Variants in TPP2 observed in about 807,000 individuals in gnomAD.
TPP2 encodes tripeptidyl-peptidase 2.
In TPP2, 34 loss-of-function variants were observed where a neutral mutation model predicts 155.9. That is an observed-to-expected ratio of 0.22 (90% CI 0.17 to 0.29). The LOEUF (loss-of-function observed/expected upper bound fraction) is 0.29. Among genes scored for constraint, TPP2 ranks in the 10% least tolerant of loss-of-function variants. The pLI is 1.00. For synonymous variants in TPP2, 510 were observed against 529.4 expected, an observed-to-expected ratio of 0.96 and a Z score of 0.50; for missense variants, 1,028 against 1,522.3, an observed-to-expected ratio of 0.68 and a Z score of 5.40.
At chr13:102,651,272 A>G in intron 23 of TPP2, 87 bp from the exon 24 acceptor site, 4 of 1,462,706 alleles carry the variant, frequency 2.7e-6, no homozygotes, top group Non-Finnish European at 3.7e-6. Flanking sequence ...GGTGGAACAT[A>G]AACTGAAAGA....
chr13:102,657,269 A>G (rs948560212), intron 25 of TPP2, 62 bp downstream of exon 25: 2 of 1,391,978 alleles, frequency 1.4e-6, no homozygotes, highest in Non-Finnish European at 9.6e-7. Context: ...AACTATAACA[A>G]TATTGTGTAT....
chr13:102,649,091 A>C lies in TPP2; in HGVS notation c.2813A>C (p.Asn938Thr). The C allele has an allele frequency of 6.2e-7, 1 of 1,613,184 alleles. No individual in the cohort carries two copies. Among genetic ancestry groups the C allele is most frequent in the East Asian group, 2.2e-5 (1 of 44,846 alleles). ...FALLGKKKSS[N>T]LTLPPKYNQP... ...CTTCTAGGGAAGAAGAAATCAAGCAATTTGACATTACCACCCAAATATAAC... is the reference window on the plus strand; with the variant it reads ...CTTCTAGGGAAGAAGAAATCAAGCACTTTGACATTACCACCCAAATATAAC... Residue 938 changes from asparagine (N) to threonine (T), a missense_variant, in exon 22 of 30, where the codon AAT becomes ACT. By Grantham distance (65) the Asn-to-Thr change is moderately conservative. Around this residue, in one of 7 missense-constraint regions of TPP2, gnomAD observed 179 missense variants for 274.7 expected, o/e 0.65. Transcript: ENST00000376052.
At chr13:102,603,446 G>A (rs573994042) in intron 1 of TPP2, among the ~76,000 whole-genome samples, 1 of 152,318 alleles carries the variant, frequency 6.6e-6, no homozygotes, top group Admixed American at 6.5e-5. Context: ...CTTTCTGCAG[G>A]AGGGACTTTA....
intron 19 of TPP2, among the ~76,000 whole-genome samples, chr13:102,645,854 G>C (rs1403674077): frequency 1.3e-5 from 2 of 152,216 alleles, no homozygotes; most frequent in African/African-American, 4.8e-5. Flanking sequence ...CGGCCAGGAG[G>C]AGGGCTGAGT....
intron 5 of TPP2, 115 bp from the exon 6 acceptor site, chr13:102,622,762 A>G (rs1452369614): frequency 2.6e-6 from 3 of 1,159,178 alleles, no homozygotes; most frequent in Admixed American, 2.6e-5. Flanking sequence ...CATTATATTT[A>G]TATTTGTTGT....
Position 102,627,036 on chromosome 13 carries a change from G to C in TPP2, c.809G>C (p.Ser270Thr), listed in dbSNP as rs1296842472. 8.7e-6 allele frequency: 14 copies of C among 1,600,178 alleles called. No homozygotes were observed. Among genetic ancestry groups the C allele is most frequent in the Non-Finnish European group, 1.2e-5 (14 of 1,173,702 alleles). Residue 270 changes from serine to threonine, a missense_variant, in exon 7 of 30, where the codon AGT (serine) becomes ACT (threonine). By Grantham distance (58) the Ser-to-Thr change is moderately conservative. This residue lies in a region of TPP2 where 300 missense variants were observed against 398.3 expected (regional missense o/e 0.75). Coordinates refer to ENST00000376052, the MANE Select transcript of TPP2 (RefSeq NM_001330588.2). ...SGGAHGTHVASIAAGHFPEEP... is the reference protein window; with the variant it reads ...SGGAHGTHVATIAAGHFPEEP... ...GGAGCTCATGGGACACATGTAGCTA[G>C]TATAGCTGCTGGACACTTTCCAGAA... is the stretch of plus-strand genomic sequence containing the variant.
At chr13:102,609,390 T>TG (rs1880094607) in intron 2 of TPP2, among the ~76,000 whole-genome samples, 1 of 124,114 alleles carries the variant, frequency 8.1e-6, no homozygotes, top group Admixed American at 8.1e-5. Flanking sequence ...AGAAGTGCCA[T>TG]GCTTTTTTTT....
At chr13:102,646,982 A>T (rs1883148944) in intron 20 of TPP2, among the ~76,000 whole-genome samples, 1 of 152,198 alleles carries the variant, frequency 6.6e-6, no homozygotes, top group African/African-American at 2.4e-5. Flanking sequence ...ATGTTGCTTT[A>T]TTAATGAATA....
chr13:102,647,505 C>T (rs910958460), intron 21 of TPP2, among the ~76,000 whole-genome samples, 161 bp downstream of exon 21: 7 of 152,108 alleles, frequency 4.6e-5, no homozygotes, highest in African/African-American at 9.7e-5. Context: ...TTGTTGTAGT[C>T]GGTGAAGAAC....
chr13:102,638,623 A>T (rs573782097), intron 15 of TPP2, among the ~76,000 whole-genome samples: 3 of 152,144 alleles, frequency 2.0e-5, no homozygotes, highest in African/African-American at 7.2e-5. Flanking sequence ...ACCCGATCCC[A>T]CTGTAGTATT....
chr13:102,658,336 T>TG (rs1317714805), intron 25 of TPP2, among the ~76,000 whole-genome samples: 4 of 152,246 alleles, frequency 2.6e-5, no homozygotes, highest in African/African-American at 9.6e-5. Context: ...TCAGTTCACT[T>TG]GCAAATATAC....
At chr13:102,671,590 G>A (rs372628058) in intron 27 of TPP2, among the ~76,000 whole-genome samples, 14 of 152,246 alleles carry the variant, frequency 9.2e-5, no homozygotes, top group African/African-American at 2.2e-4. Context: ...CTTTATAAGC[G>A]TTAAAAGTAA....
intron 11 of TPP2, 73 bp from the exon 12 acceptor site, chr13:102,635,514 C>G: frequency 9.5e-7 from 1 of 1,050,816 alleles, no homozygotes; most frequent in Non-Finnish European, 1.4e-6. Flanking sequence ...TACAGGTGAT[C>G]GATCATACTG....
At chr13:102,657,450 T>A (rs1253850081) in intron 25 of TPP2, among the ~76,000 whole-genome samples, 1 of 151,874 alleles carries the variant, frequency 6.6e-6, no homozygotes, top group Non-Finnish European at 1.5e-5. Context: ...TCTTGGAAGA[T>A]AATTTTATTG....
At chr13:102,637,385 G>C (rs1882450348) in intron 14 of TPP2, 146 bp downstream of exon 14, 1 of 846,920 alleles carries the variant, frequency 1.2e-6, no homozygotes, top group Admixed American at 3.6e-5. Context: ...CAGTTCTTCT[G>C]GTGTGTCTAT....
At chr13:102,608,652 A>G (rs1190616400) in intron 2 of TPP2, among the ~76,000 whole-genome samples, 4 of 152,216 alleles carry the variant, frequency 2.6e-5, no homozygotes, top group African/African-American at 9.6e-5. Flanking sequence ...TGTATCATGT[A>G]TGCAACATTT....
intron 27 of TPP2, among the ~76,000 whole-genome samples, chr13:102,666,599 T>C (rs908018535): frequency 2.6e-5 from 4 of 152,134 alleles, no homozygotes; most frequent in African/African-American, 7.2e-5. Context: ...TTACATTTTG[T>C]GAAAATAATA....
At chr13:102,671,122 C>A (rs921291929) in intron 27 of TPP2, among the ~76,000 whole-genome samples, 10 of 152,114 alleles carry the variant, frequency 6.6e-5, no homozygotes, top group Non-Finnish European at 1.3e-4. Context: ...GTATTTTAAA[C>A]ACAAATTTTT....
At chr13:102,651,737 A>ATTT (rs67649317) in intron 24 of TPP2, among the ~76,000 whole-genome samples, 32 of 140,224 alleles carry the variant, frequency 2.3e-4, no homozygotes, top group African/African-American at 8.1e-4. Flanking sequence ...GGATGTGATA[A>ATTT]TTTTTTTTTT....
Sources: gnomAD v4.1 joint callset for allele counts (sites outside exome capture counted in the v4.1 genomes callset) on GRCh38, gnomAD v4.1.1 for gene constraint, gnomAD v4.1.1 regional missense constraint, MANE v1.5 for transcripts, NCBI Gene and HGNC (gene_info 2026-07-23, HGNC 2026-07-21) for gene names.